GPC5: variants seen among roughly 807,000 people sequenced by gnomAD.
The protein encoded by GPC5 is glypican-5.
Under a neutral mutation model 53.9 loss-of-function variants are expected in GPC5, and 47 were observed. That is an observed-to-expected ratio of 0.87 (90% CI 0.69 to 1.11). The LOEUF is 1.11. Ranked by LOEUF, GPC5 falls within the 50% of genes most tolerant of loss-of-function variation. The probability of loss-of-function intolerance (pLI) is 0.00; values close to 1 mark genes in which losing one functional copy is unlikely to be tolerated. For synonymous variants in GPC5, 286 were observed against 263.3 expected, an observed-to-expected ratio of 1.09 and a Z score of -0.84; for missense variants, 748 against 713.1, an observed-to-expected ratio of 1.05 and a Z score of -0.56.
chr13:91,666,609 T>C (rs1174362192), intron 2 of GPC5, among the ~76,000 whole-genome samples: 1 of 152,218 alleles, frequency 6.6e-6, no homozygotes. Flanking sequence ...ATATGATATG[T>C]CTTTCATTTT....
chr13:92,494,053 T>C (rs1879867796), intron 7 of GPC5, among the ~76,000 whole-genome samples: 1 of 75,818 alleles, frequency 1.3e-5, no homozygotes, highest in South Asian at 5.7e-4. Flanking sequence ...AATTACTTTG[T>C]GTTTTTTTTT....
chr13:91,615,156 G>A (rs147755675), intron 2 of GPC5, among the ~76,000 whole-genome samples: 2 of 152,128 alleles, frequency 1.3e-5, no homozygotes, highest in African/African-American at 4.8e-5. Context: ...TAAGATAAAG[G>A]TTCAGTACAG....
chr13:92,005,616 A>G (rs1474637268), intron 6 of GPC5, among the ~76,000 whole-genome samples: 1 of 152,202 alleles, frequency 6.6e-6, no homozygotes, highest in Non-Finnish European at 1.5e-5. Context: ...ATATACACAG[A>G]TACATGTAAC....
At chr13:91,916,864 T>C (rs943718494) in intron 6 of GPC5, among the ~76,000 whole-genome samples, 43 of 152,092 alleles carry the variant, frequency 2.8e-4, no homozygotes, top group African/African-American at 1.0e-3. Context: ...CTTGATTCAA[T>C]TACTTCCACC....
chr13:91,897,583 G>A (rs1280275196), intron 5 of GPC5, among the ~76,000 whole-genome samples: 2 of 152,032 alleles, frequency 1.3e-5, no homozygotes, highest in Non-Finnish European at 2.9e-5. Context: ...CACATATCAA[G>A]GCCATCCAAT....
intron 2 of GPC5, among the ~76,000 whole-genome samples, chr13:91,466,727 G>A (rs1882261789): frequency 6.6e-6 from 1 of 152,040 alleles, no homozygotes; most frequent in Non-Finnish European, 1.5e-5. Flanking sequence ...TGATGGAGTG[G>A]GACTGGGGAG....
chr13:92,477,375 A>C (rs181190035), intron 7 of GPC5, among the ~76,000 whole-genome samples: 35 of 152,220 alleles, frequency 2.3e-4, no homozygotes, highest in Middle Eastern at 3.4e-3. Context: ...TCCTCAGCCC[A>C]GTATCTGATA....
intron 5 of GPC5, among the ~76,000 whole-genome samples, chr13:91,865,168 C>A (rs1375256178): frequency 1.3e-5 from 2 of 152,198 alleles, no homozygotes; most frequent in Non-Finnish European, 2.9e-5. Flanking sequence ...CTTGGCCTTC[C>A]AAAATGCTGG....
intron 7 of GPC5, among the ~76,000 whole-genome samples, chr13:92,822,784 A>C (rs920147690): frequency 4.6e-5 from 7 of 152,176 alleles, no homozygotes; most frequent in Middle Eastern, 3.2e-3. Flanking sequence ...CTCAAAAAAG[A>C]AGCAGATGTA....
chr13:92,823,204 A>C (rs947418942), intron 7 of GPC5, among the ~76,000 whole-genome samples: 3 of 152,180 alleles, frequency 2.0e-5, no homozygotes, highest in Admixed American at 6.6e-5. Flanking sequence ...CAGGTGAACC[A>C]GGTGCATAGG....
At chr13:91,677,440 T>TA (rs1301253784) in intron 2 of GPC5, among the ~76,000 whole-genome samples, 1 of 152,190 alleles carries the variant, frequency 6.6e-6, no homozygotes, top group Non-Finnish European at 1.5e-5. Flanking sequence ...TTAAATTAGA[T>TA]ATACAATTGG....
chr13:92,252,171 G>A (rs2042697023), intron 7 of GPC5, among the ~76,000 whole-genome samples: 1 of 152,102 alleles, frequency 6.6e-6, no homozygotes, highest in South Asian at 2.1e-4. Flanking sequence ...CTCTGTGACA[G>A]TATGGCATGT....
At chr13:91,437,798 A>G (rs1351477079) in intron 1 of GPC5, among the ~76,000 whole-genome samples, 6 of 152,224 alleles carry the variant, frequency 3.9e-5, no homozygotes, top group Non-Finnish European at 5.9e-5. Context: ...AGGTACACCA[A>G]TCAGACATAG....
In GPC5 at chr13:92,609,526, T is replaced by C. The variant is rs530368691; in HGVS notation, c.1562-256756T>C. 3.9e-5 allele frequency among the ~76,000 whole-genome samples: 6 copies of C among 152,178 alleles called. No individual in the cohort carries two copies. The South Asian group carries it at 1.2e-3, about 32-fold the overall frequency. Reference sequence around the variant, plus strand: ...TACTATTCAATGTGTAAGCAAAAAATAGAGTGCTTTGTGATGAGGCCAGTT... The same window carrying C: ...TACTATTCAATGTGTAAGCAAAAAACAGAGTGCTTTGTGATGAGGCCAGTT... On this transcript the variant is annotated intron_variant, in intron 7 of 7. Coordinates refer to ENST00000377067, the MANE Select transcript of GPC5 (RefSeq NM_004466.6).
chr13:91,804,075 A>T (rs1246421914), intron 5 of GPC5, among the ~76,000 whole-genome samples: 1 of 148,046 alleles, frequency 6.8e-6, no homozygotes, highest in African/African-American at 2.5e-5. Flanking sequence ...ACAGAAACAG[A>T]AGAGAGATGA....
At chr13:92,264,654 G>T (rs1270254221) in intron 7 of GPC5, among the ~76,000 whole-genome samples, 1 of 151,280 alleles carries the variant, frequency 6.6e-6, no homozygotes, top group African/African-American at 2.4e-5. Context: ...AACCTATGTT[G>T]TTCTTGTCTA....
chr13:92,131,012 A>G (rs1319164301), intron 6 of GPC5, among the ~76,000 whole-genome samples: 1 of 152,040 alleles, frequency 6.6e-6, no homozygotes, highest in African/African-American at 2.4e-5. Context: ...TGAAAAATTC[A>G]GAAAATCTAT....
At chr13:91,731,525 T>C (rs2036697443) in intron 4 of GPC5, among the ~76,000 whole-genome samples, 1 of 152,174 alleles carries the variant, frequency 6.6e-6, no homozygotes, top group Non-Finnish European at 1.5e-5. Flanking sequence ...CTTTATTTTA[T>C]TTTCTTTTAT....
At chr13:91,957,739 CA>C (rs2040086996) in intron 6 of GPC5, among the ~76,000 whole-genome samples, 1 of 151,966 alleles carries the variant, frequency 6.6e-6, no homozygotes, top group Admixed American at 6.6e-5. Context: ...CCCAGACATA[CA>C]AAAGCTGAGT....
Sources: gnomAD v4.1 joint callset for allele counts (sites outside exome capture counted in the v4.1 genomes callset) on GRCh38, gnomAD v4.1.1 for gene constraint, MANE v1.5 for transcripts, NCBI Gene and HGNC (gene_info 2026-07-23, HGNC 2026-07-21) for gene names.